The following MME variants were observed in gnomAD, a reference collection of about 807,000 sequenced individuals.
MME encodes membrane metalloendopeptidase.
MME carries 98 observed loss-of-function variants against 113.2 expected under a neutral mutation model. That is an observed-to-expected ratio of 0.87 (90% CI 0.74 to 1.02). MME has a LOEUF of 1.02. Among genes scored for constraint, MME ranks in the 50% least tolerant of loss-of-function variants. The probability of loss-of-function intolerance (pLI) is 0.00; values close to 1 mark genes in which losing one functional copy is unlikely to be tolerated. For synonymous variants in MME, 292 were observed against 300.6 expected, an observed-to-expected ratio of 0.97 and a Z score of 0.30; for missense variants, 836 against 896.0, an observed-to-expected ratio of 0.93 and a Z score of 0.86.
intron 1 of MME, among the ~76,000 whole-genome samples, chr3:155,033,698 A>C (rs1016929929): frequency 1.2e-4 from 18 of 152,136 alleles, no homozygotes; most frequent in Non-Finnish European, 2.2e-4. Flanking sequence ...CTGAACTAGC[A>C]GATTAAACAA....
rs777923848 is a variant in MME, at chr3:155,180,429, G to T, written c.2223G>T (p.Met741Ile). ...TTCACTGCCGCAAGAATTCATACAT[G>T]AATCCAGAAAAGAAGTGCCGGGTTT... Reference protein sequence around the residue: ...EAFHCRKNSYMNPEKKCRVW With the variant: ...EAFHCRKNSYINPEKKCRVW The change falls in exon 23 of 23, where the codon ATG becomes ATT. Residue 741 changes from methionine (M) to isoleucine (I), a missense_variant. Physicochemically the swap from Met to Ile is conservative, Grantham distance 10. Transcript: ENST00000360490. The T allele has an allele frequency of 6.2e-6, 10 of 1,613,388 alleles. No individual in the cohort carries two copies. Among genetic ancestry groups the T allele is most frequent in the African/African-American group, 4.0e-5 (3 of 74,860 alleles).
At chr3:155,108,546 A>G (rs7433648) in intron 3 of MME, among the ~76,000 whole-genome samples, 18 of 151,238 alleles carry the variant, frequency 1.2e-4, no homozygotes, top group Admixed American at 3.3e-4. Flanking sequence ...CAGTGAGCAG[A>G]TATCGCGCCA....
chr3:155,077,058 C>T (rs1016322645), upstream of MME, among the ~76,000 whole-genome samples: 1 of 152,142 alleles, frequency 6.6e-6, no homozygotes, highest in South Asian at 2.1e-4. Flanking sequence ...GAAGGTCTCA[C>T]CTCCTGGGAA....
In MME at chr3:155,051,360, A is replaced by G. The variant is rs76759646; in HGVS notation, c.-11+27036A>G. On this transcript the variant is annotated intron_variant, in intron 1 of 22. Transcript: ENST00000492661. ...CCAACAAGGCTTTTCAGAATGCTAC[A>G]CTAGCAGAAACACTATGTGATAGTT... 5.4e-3 allele frequency among the ~76,000 whole-genome samples: 820 copies of G among 152,320 alleles called. 2 individuals are homozygous for G. The highest frequency in any genetic ancestry group is 0.018 in the African/African-American group (763 of 41,572).
intron 18 of MME, 84 bp downstream of exon 18, chr3:155,167,105 G>A: frequency 6.7e-7 from 1 of 1,491,600 alleles, no homozygotes; most frequent in Non-Finnish European, 9.3e-7. Flanking sequence ...TTACTACAAA[G>A]CTACATTTAT....
intron 1 of MME, among the ~76,000 whole-genome samples, chr3:155,063,698 T>TTATAA (rs1337447406): frequency 2.2e-5 from 3 of 135,734 alleles, no homozygotes; most frequent in African/African-American, 8.2e-5. Context: ...TTATATTATA[T>TTATAA]TATATTATAT....
intron 1 of MME, among the ~76,000 whole-genome samples, chr3:155,063,301 A>C (rs1162374657): frequency 9.3e-6 from 1 of 107,618 alleles, no homozygotes; most frequent in Non-Finnish European, 1.7e-5. Context: ...ATATTATATA[A>C]AGATATAATA....
Position 155,181,431 on chromosome 3 carries a change from C to T in MME, c.*972C>T, listed in dbSNP as rs923080744. On this transcript the variant is annotated 3_prime_UTR_variant, in exon 23 of 23. Transcript: ENST00000360490. ...GGACAGTTGTCTAGAGATATATATA[C>T]TTGTGGTTTTCAAATTGGACTTTCA... 11 of 151,990 alleles carry T rather than the reference C, an allele frequency of 7.2e-5. No homozygotes were observed. Among genetic ancestry groups the T allele is most frequent in the Admixed American group, 2.6e-4 (4 of 15,238 alleles). 9.4% of individuals were successfully genotyped at this position (151,990 alleles called of 1,614,324 possible). A position where few individuals can be genotyped will look rare whatever the true frequency, so the allele number is the denominator to read the frequency against.
At chr3:155,077,723 G>GAAA (rs1714799847), upstream of MME, among the ~76,000 whole-genome samples, 1 of 150,380 alleles carries the variant, frequency 6.6e-6, no homozygotes, top group Non-Finnish European at 1.5e-5. Context: ...AAAAAAAAAC[G>GAAA]AACAACAGCA....
chr3:155,145,209 G>A (rs1354161339), intron 14 of MME, among the ~76,000 whole-genome samples: 1 of 152,116 alleles, frequency 6.6e-6, no homozygotes, highest in African/African-American at 2.4e-5. Context: ...CATTCAGGTT[G>A]GATTTGCTCC....
At chr3:155,147,652 T>C (rs1192840687) in intron 15 of MME, among the ~76,000 whole-genome samples, 1 of 152,162 alleles carries the variant, frequency 6.6e-6, no homozygotes, top group African/African-American at 2.4e-5. Flanking sequence ...ACCCTGATAT[T>C]TGAGAACTGA....
intron 22 of MME, among the ~76,000 whole-genome samples, chr3:155,178,043 C>T (rs988494292): frequency 5.3e-5 from 8 of 152,130 alleles, no homozygotes; most frequent in African/African-American, 1.9e-4. Context: ...CCTCTCGGGG[C>T]CTTGCTCAGA....
chr3:155,130,173 A>G (rs894782697), intron 8 of MME, among the ~76,000 whole-genome samples: 8 of 152,202 alleles, frequency 5.3e-5, no homozygotes, highest in African/African-American at 1.9e-4. Flanking sequence ...TTTGCCTGAG[A>G]AGGAGCAATA....
rs1713071389 is a variant in MME at position 155,181,351 on chromosome 3, T to C, written c.*892T>C. 1 of 152,264 alleles carries C rather than the reference T, an allele frequency of 6.6e-6. No homozygotes were observed. The highest frequency in any genetic ancestry group is 2.1e-4 in the South Asian group (1 of 4,828). 9.4% of individuals were successfully genotyped at this position (152,264 alleles called of 1,614,324 possible). A position where few individuals can be genotyped will look rare whatever the true frequency, so the allele number is the denominator to read the frequency against. On this transcript the variant is annotated 3_prime_UTR_variant, in exon 23 of 23. Coordinates refer to ENST00000360490, the MANE Select transcript of MME (RefSeq NM_007289.4). Reference sequence around the variant, plus strand: ...GAAAATTTGAGACTATTTAAACTTATAAATCATATTGATGAAAAGATTTAA... The same window carrying C: ...GAAAATTTGAGACTATTTAAACTTACAAATCATATTGATGAAAAGATTTAA...
intron 1 of MME, among the ~76,000 whole-genome samples, chr3:155,067,511 G>A (rs538234650): frequency 3.3e-5 from 5 of 151,680 alleles, no homozygotes; most frequent in South Asian, 2.1e-4. Flanking sequence ...GGGTTTCACC[G>A]TGTTGGTCAG....
chr3:155,113,976 A>G (rs753764324), intron 3 of MME, among the ~76,000 whole-genome samples: 27 of 152,316 alleles, frequency 1.8e-4, no homozygotes, highest in Non-Finnish European at 3.4e-4. Flanking sequence ...CTTGAGGCTC[A>G]GCTGGAAACC....
intron 8 of MME, among the ~76,000 whole-genome samples, chr3:155,123,557 C>T (rs1297561088): frequency 5.8e-5 from 4 of 69,060 alleles, no homozygotes; most frequent in Non-Finnish European, 9.1e-5. Context: ...CGGCTGGTAC[C>T]GGTTGTTCCT....
At chr3:155,157,530 G>A (rs1354548030) in intron 16 of MME, among the ~76,000 whole-genome samples, 1 of 152,072 alleles carries the variant, frequency 6.6e-6, no homozygotes, top group Non-Finnish European at 1.5e-5. Flanking sequence ...AGAACTTACA[G>A]TTTTTGTTAC....
At chr3:155,112,838 C>T (rs57115681) in intron 3 of MME, 1 of 152,164 alleles carries the variant, frequency 6.6e-6, no homozygotes, top group African/African-American at 2.4e-5. Context: ...TCACACATAA[C>T]CATAATTGCA....
Sources: allele counts gnomAD v4.1 joint callset (sites outside exome capture counted in the v4.1 genomes callset), GRCh38; gene constraint gnomAD v4.1.1; transcripts MANE v1.5; gene names NCBI Gene and HGNC (gene_info 2026-07-23, HGNC 2026-07-21).